The following CALN1 variants were observed in gnomAD, a reference collection of about 807,000 sequenced individuals.
CALN1 encodes calneuron 1.
A neutral mutation model predicts 30.6 loss-of-function variants in CALN1; 17 were observed. The observed-to-expected ratio is 0.56, with a 90% CI of 0.38 to 0.83. The LOEUF (loss-of-function observed/expected upper bound fraction) is 0.83. Among genes scored for constraint, CALN1 ranks in the 40% least tolerant of loss-of-function variants. CALN1 has a pLI of 0.00. For synonymous variants in CALN1, 156 were observed against 131.4 expected (o/e 1.19, Z -1.28); for missense variants, 291 against 354.9 (o/e 0.82, Z 1.45).
intron 2 of CALN1, among the ~76,000 whole-genome samples, chr7:72,392,126 C>T (rs1585644872): frequency 6.6e-6 from 1 of 152,208 alleles, no homozygotes; most frequent in Admixed American, 6.5e-5. Flanking sequence ...TGTCAGAACA[C>T]AAGCCACATG....
At chr7:71,844,398 A>G (rs921254970) in intron 5 of CALN1, among the ~76,000 whole-genome samples, 24 of 152,212 alleles carry the variant, frequency 1.6e-4, no homozygotes, top group African/African-American at 5.8e-4. Context: ...CTCACCCTGG[A>G]AAAACAACAG....
chr7:71,890,324 G>A (rs1042247603), intron 5 of CALN1, among the ~76,000 whole-genome samples: 11 of 152,226 alleles, frequency 7.2e-5, no homozygotes, highest in Admixed American at 6.5e-4. Context: ...ATGACAAATG[G>A]TGCCTTGGAA....
At chr7:72,125,374 A>G (rs529413217) in intron 3 of CALN1, among the ~76,000 whole-genome samples, 75 of 152,324 alleles carry the variant, frequency 4.9e-4, no homozygotes, top group South Asian at 3.3e-3. Context: ...ATTGTCTCCT[A>G]TGTGCCAGGC....
At chr7:71,996,054 G>A (rs1284739995) in intron 5 of CALN1, among the ~76,000 whole-genome samples, 1 of 152,132 alleles carries the variant, frequency 6.6e-6, no homozygotes, top group Non-Finnish European at 1.5e-5. Context: ...CAGCAGCCCT[G>A]TATAAACCAG....
intron 2 of CALN1, among the ~76,000 whole-genome samples, chr7:72,292,158 C>G (rs748157487): frequency 2.6e-5 from 4 of 152,022 alleles, no homozygotes; most frequent in Non-Finnish European, 4.4e-5. Flanking sequence ...ATCGCAATTA[C>G]TCTTGCACCA....
chr7:71,801,395 T>TGTAC (rs1787293161), intron 6 of CALN1, among the ~76,000 whole-genome samples: 1 of 117,164 alleles, frequency 8.5e-6, no homozygotes, highest in Admixed American at 1.1e-4. Context: ...TATGTATGTA[T>TGTAC]GTATGTATGT....
intron 3 of CALN1, among the ~76,000 whole-genome samples, chr7:72,114,448 G>A (rs1807823856): frequency 6.6e-6 from 1 of 151,660 alleles, no homozygotes; most frequent in Non-Finnish European, 1.5e-5. Flanking sequence ...CTTCTAGCGA[G>A]CAGCTGCAAA....
intron 4 of CALN1, among the ~76,000 whole-genome samples, chr7:72,062,419 G>C (rs930958213): frequency 6.6e-6 from 1 of 151,144 alleles, no homozygotes; most frequent in African/African-American, 2.4e-5. Flanking sequence ...GGCTGAGGCA[G>C]GAGAATCTCT....
chr7:72,277,313 G>A (rs1797400357), intron 3 of CALN1, among the ~76,000 whole-genome samples: 1 of 152,230 alleles, frequency 6.6e-6, no homozygotes, highest in South Asian at 2.1e-4. Flanking sequence ...TGAATTTGTG[G>A]TCGCCTGTAT....
At chr7:71,790,399 AGAAAG>A (rs1462958161) in intron 6 of CALN1, among the ~76,000 whole-genome samples, 2 of 116,674 alleles carry the variant, frequency 1.7e-5, no homozygotes, top group African/African-American at 8.3e-5. Flanking sequence ...AAAGAAAGAA[AGAAAG>A]AAAGAAAGAA....
chr7:72,086,068 G>A (rs1008998067), intron 4 of CALN1, among the ~76,000 whole-genome samples: 7 of 151,962 alleles, frequency 4.6e-5, no homozygotes. Context: ...CAGAATTAAA[G>A]AACATTAAAA....
intron 5 of CALN1, among the ~76,000 whole-genome samples, chr7:71,856,869 C>G (rs1035813268): frequency 1.3e-5 from 2 of 152,036 alleles, no homozygotes; most frequent in South Asian, 4.2e-4. Flanking sequence ...GTGGAAGGGT[C>G]GCTTCAACCT....
chr7:71,967,114 T>TA (rs1157537366), intron 5 of CALN1, among the ~76,000 whole-genome samples: 1 of 152,130 alleles, frequency 6.6e-6, no homozygotes, highest in Non-Finnish European at 1.5e-5. Flanking sequence ...GGAAACAACT[T>TA]AAATATTAAA....
rs193210016 is a variant in CALN1 at position 71,991,351 on chromosome 7, C to G, written c.501+32306G>C. Reference sequence around the variant, plus strand: ...GTGGGTGCCTGTAATCCCAGCTACTCGGGAGGCTGTGACAGGAGAATCACT... The same window carrying G: ...GTGGGTGCCTGTAATCCCAGCTACTGGGGAGGCTGTGACAGGAGAATCACT... On this transcript the variant is annotated intron_variant, in intron 5 of 6. Coordinates refer to ENST00000395275, the MANE Select transcript of CALN1 (RefSeq NM_031468.4). Among the ~76,000 whole-genome samples the G allele has an allele frequency of 3.6e-4, 54 of 151,744 alleles. No individual in the cohort carries two copies. The East Asian group carries it at 5.1e-3, about 14-fold the overall frequency.
chr7:72,212,440 C>T (rs1792481540), intron 3 of CALN1, among the ~76,000 whole-genome samples: 2 of 151,852 alleles, frequency 1.3e-5, no homozygotes, highest in Non-Finnish European at 2.9e-5. Flanking sequence ...AAGGAGAGTC[C>T]CAGCCCCCAT....
chr7:72,500,131 C>CA, the CALN1 span, among the ~76,000 whole-genome samples: 1 of 150,296 alleles, frequency 6.7e-6, no homozygotes, highest in East Asian at 2.0e-4. Context: ...AGACTGATCT[C>CA]AAACTCCTGA....
intron 3 of CALN1, among the ~76,000 whole-genome samples, chr7:72,139,017 C>T (rs889871582): frequency 5.1e-4 from 77 of 152,224 alleles, no homozygotes; most frequent in African/African-American, 1.8e-3. Flanking sequence ...TCCTTGACTC[C>T]TTCCCTTCTT....
chr7:72,268,323 A>G (rs1268240037), intron 3 of CALN1, among the ~76,000 whole-genome samples: 2 of 152,108 alleles, frequency 1.3e-5, no homozygotes, highest in Non-Finnish European at 2.9e-5. Flanking sequence ...CAGGGAGTTG[A>G]AGCAGACAAA....
intron 3 of CALN1, among the ~76,000 whole-genome samples, chr7:72,224,940 A>AC (rs1562763493): frequency 3.3e-5 from 5 of 150,420 alleles, no homozygotes; most frequent in African/African-American, 7.4e-5. Flanking sequence ...CACACACACA[A>AC]AAAAAAAATT....
Sources: gnomAD v4.1 joint callset for allele counts (sites outside exome capture counted in the v4.1 genomes callset) on GRCh38, gnomAD v4.1.1 for gene constraint, MANE v1.5 for transcripts, NCBI Gene and HGNC (gene_info 2026-07-23, HGNC 2026-07-21) for gene names.